Variants in GRIK4 observed in about 807,000 individuals in gnomAD.
GRIK4 encodes the protein glutamate receptor ionotropic, kainate 4.
A neutral mutation model predicts 104.9 loss-of-function variants in GRIK4; 40 were observed. That is an observed-to-expected ratio of 0.38 (90% CI 0.30 to 0.50). The LOEUF (loss-of-function observed/expected upper bound fraction) is 0.50. GRIK4 is among the 20% of genes least tolerant of loss of function. The pLI, the probability that GRIK4 is intolerant of heterozygous loss-of-function variation, is 0.93. For missense variants in GRIK4, 1,047 were observed against 1,308.1 expected (o/e 0.80, Z 3.08); for synonymous variants, 485 against 524.9 (o/e 0.92, Z 1.04).
chr11:120,692,482 G>C lies in GRIK4; in HGVS notation c.82+32082G>C, dbSNP rs191982418. Among the ~76,000 whole-genome samples, 112 of 152,336 alleles carry C rather than the reference G, an allele frequency of 7.4e-4. 1 individual carries two copies. Among genetic ancestry groups the C allele is most frequent in the South Asian group, 6.8e-3 (33 of 4,820 alleles). ...AATTCATGTGACCATGGCGGGGATA[G>C]AGATTTGCACTGTGGAGCCCGGGGG... On this transcript the variant is annotated intron_variant, in intron 3 of 20. Transcript: ENST00000527524.
chr11:120,617,969 G>C (rs1323566231), intron 1 of GRIK4, among the ~76,000 whole-genome samples: 1 of 152,180 alleles, frequency 6.6e-6, no homozygotes, highest in Non-Finnish European at 1.5e-5. Context: ...AAATGTGGAA[G>C]CAACTTTGGA....
At chr11:120,856,147 A>G (rs1468530153) in intron 8 of GRIK4, among the ~76,000 whole-genome samples, 1 of 152,238 alleles carries the variant, frequency 6.6e-6, no homozygotes. Context: ...TACCTGTGCA[A>G]GGTAGATGCT....
chr11:120,881,707 T>C (rs1954972276), intron 11 of GRIK4, among the ~76,000 whole-genome samples: 3 of 152,228 alleles, frequency 2.0e-5, no homozygotes, highest in Admixed American at 2.0e-4. Flanking sequence ...GAGGTCAGGC[T>C]GCCTCTCTTT....
intron 3 of GRIK4, among the ~76,000 whole-genome samples, chr11:120,685,782 G>A (rs1402842804): frequency 6.6e-6 from 1 of 152,098 alleles, no homozygotes; most frequent in Non-Finnish European, 1.5e-5. Context: ...GGCTATGGTC[G>A]TCTTTCTCAG....
chr11:120,698,478 C>A (rs915837289), intron 3 of GRIK4, among the ~76,000 whole-genome samples: 2 of 152,244 alleles, frequency 1.3e-5, no homozygotes, highest in African/African-American at 4.8e-5. Context: ...ATGGCTGCCC[C>A]TTGAGTGGAT....
At position 120,898,334 on chromosome 11, in the gene GRIK4, T is replaced by G. The variant is rs560718719; in HGVS notation, c.1165-198T>G. ...CCCACATCTTTATTCCTTTCTTCCCTGACTGTTACAGCCCCCGTTTCCCTC... is the reference window on the plus strand; with the variant it reads ...CCCACATCTTTATTCCTTTCTTCCCGGACTGTTACAGCCCCCGTTTCCCTC... On this transcript the variant is annotated intron_variant, in intron 11 of 20. Coordinates refer to ENST00000527524, the MANE Select transcript of GRIK4 (RefSeq NM_014619.5). Among the ~76,000 whole-genome samples, 53 of 152,036 alleles carry G rather than the reference T, an allele frequency of 3.5e-4. 1 individual carries two copies. The highest frequency in any genetic ancestry group is 1.2e-3 in the African/African-American group (49 of 41,454).
At position 120,819,973 on chromosome 11, in the gene GRIK4, G is replaced by T; in HGVS notation, c.511+53G>T. The T allele has an allele frequency of 1.3e-6, 2 of 1,569,618 alleles. No individual in the cohort carries two copies. Among genetic ancestry groups the T allele is most frequent in the Non-Finnish European group, 1.7e-6 (2 of 1,145,526 alleles). Reference sequence around the variant, plus strand: ...CAGACAGTCCAGTCTTGTTGATTTTGCCCTGATTCCCTGTGCCCCTGGCTG... The same window carrying T: ...CAGACAGTCCAGTCTTGTTGATTTTTCCCTGATTCCCTGTGCCCCTGGCTG... On this transcript the variant is annotated intron_variant, in intron 6 of 20. Coordinates refer to ENST00000527524, the MANE Select transcript of GRIK4 (RefSeq NM_014619.5). The surrounding 1 kb of genome is among the most constrained non-coding windows in gnomAD (Gnocchi z 4.3).
intron 3 of GRIK4, among the ~76,000 whole-genome samples, chr11:120,747,401 G>A (rs200768825): frequency 3.6e-4 from 55 of 152,124 alleles, no homozygotes; most frequent in African/African-American, 2.4e-4. Context: ...CTCCTCCCCC[G>A]CTAGGGTGTG....
At chr11:120,816,385 G>T (rs1417062209) in intron 5 of GRIK4, among the ~76,000 whole-genome samples, 1 of 151,984 alleles carries the variant, frequency 6.6e-6, no homozygotes, top group East Asian at 1.9e-4. Flanking sequence ...TGGTGGTCAG[G>T]CATGAGGTCA....
At chr11:120,833,496 C>T (rs1227881880) in intron 7 of GRIK4, among the ~76,000 whole-genome samples, 2 of 152,128 alleles carry the variant, frequency 1.3e-5, no homozygotes, top group Non-Finnish European at 2.9e-5. Context: ...AGATGTCCCT[C>T]CACCACCCTT....
chr11:120,646,418 C>T lies in GRIK4; in HGVS notation c.-158-7267C>T, dbSNP rs75993508. 3.0e-4 allele frequency among the ~76,000 whole-genome samples: 46 copies of T among 152,280 alleles called. 1 individual carries two copies. In the East Asian group the frequency reaches 8.1e-3, roughly 27 times the overall value. Reference sequence around the variant, plus strand: ...GTTTAAAACAGATGCAGAGCTTGTGCGGATAACCACTCCCTTGTACTGCCT... The same window carrying T: ...GTTTAAAACAGATGCAGAGCTTGTGTGGATAACCACTCCCTTGTACTGCCT... On this transcript the variant is annotated intron_variant, in intron 1 of 20. Transcript: ENST00000527524.
chr11:120,659,018 G>A (rs1216680109), intron 2 of GRIK4, among the ~76,000 whole-genome samples: 1 of 152,024 alleles, frequency 6.6e-6, no homozygotes, highest in Non-Finnish European at 1.5e-5. Context: ...AAAGTGCTGG[G>A]ATTACAGGCG....
chr11:120,641,094 C>T (rs1365900859), intron 1 of GRIK4, among the ~76,000 whole-genome samples: 1 of 152,248 alleles, frequency 6.6e-6, no homozygotes, highest in African/African-American at 2.4e-5. Context: ...GGCATAGCCA[C>T]TTTGCCATAT....
At chr11:120,635,546 G>C (rs930842181) in intron 1 of GRIK4, among the ~76,000 whole-genome samples, 2 of 152,200 alleles carry the variant, frequency 1.3e-5, no homozygotes, top group African/African-American at 4.8e-5. Flanking sequence ...TAAAAAGGAA[G>C]TCCCCCAGGG....
intron 4 of GRIK4, among the ~76,000 whole-genome samples, chr11:120,808,850 T>C (rs1939670): frequency 0.21 from 32,480 of 152,070 alleles, 7,427 homozygotes; most frequent in African/African-American, 0.58. Context: ...AGTGCTTCCG[T>C]GTGAAGGACT....
chr11:120,911,911 A>G (rs1211942756), intron 13 of GRIK4, among the ~76,000 whole-genome samples: 2 of 152,028 alleles, frequency 1.3e-5, no homozygotes, highest in Admixed American at 1.3e-4. Context: ...TTTGAAAAAT[A>G]GATAAGGTTT....
intron 3 of GRIK4, among the ~76,000 whole-genome samples, chr11:120,673,413 A>C (rs1950051695): frequency 6.6e-6 from 1 of 152,182 alleles, no homozygotes; most frequent in Admixed American, 6.5e-5. Flanking sequence ...CTGTGCAGTG[A>C]TGCTGCTGGC....
chr11:120,588,080 G>A (rs1044289688), intron 1 of GRIK4, among the ~76,000 whole-genome samples: 7 of 152,160 alleles, frequency 4.6e-5, no homozygotes, highest in African/African-American at 1.7e-4. Flanking sequence ...GGGGTGGGCT[G>A]CAAATTCAGG....
chr11:120,883,602 A>G (rs1352158761), intron 11 of GRIK4, among the ~76,000 whole-genome samples: 2 of 152,170 alleles, frequency 1.3e-5, no homozygotes, highest in Admixed American at 1.3e-4. Context: ...GGCCCATGTA[A>G]GTCTGGTTCT....
Sources: allele counts gnomAD v4.1 joint callset (sites outside exome capture counted in the v4.1 genomes callset), GRCh38; gene constraint gnomAD v4.1.1; non-coding constraint Gnocchi (gnomAD v3.1); transcripts MANE v1.5; gene names NCBI Gene and HGNC (gene_info 2026-07-23, HGNC 2026-07-21).